The following SYNE1 variants were observed in gnomAD, a reference collection of about 807,000 sequenced individuals.
SYNE1 encodes the protein nesprin-1.
Under a neutral mutation model 1,111.0 loss-of-function variants are expected in SYNE1, and 616 were observed. The ratio of observed to expected loss-of-function variants is 0.55; its 90% CI spans 0.52 to 0.59. SYNE1 has a LOEUF of 0.59. SYNE1 is among the 20% of genes least tolerant of loss of function. The probability of loss-of-function intolerance (pLI) is 0.00; values close to 1 mark genes in which losing one functional copy is unlikely to be tolerated. For synonymous variants in SYNE1, 3,855 were observed against 3,825.8 expected (o/e 1.01, Z -0.28); for missense variants, 10,006 against 10,417.0 (o/e 0.96, Z 1.72).
intron 145 of SYNE1, 130 bp downstream of exon 145, chr6:152,130,590 G>T: frequency 1.2e-6 from 1 of 855,450 alleles, no homozygotes; most frequent in Non-Finnish European, 2.0e-6. Context: ...TGAGGAAAGG[G>T]TGTGGACTGA....
At chr6:152,266,613 C>T (rs2092721383) in intron 100 of SYNE1, among the ~76,000 whole-genome samples, 1 of 152,140 alleles carries the variant, frequency 6.6e-6, no homozygotes, top group Non-Finnish European at 1.5e-5. Context: ...AAGTCAGTCC[C>T]TGCTTATAGA....
chr6:152,430,247 A>C (rs1397771083), intron 35 of SYNE1, 37 bp from the exon 36 acceptor site: 2 of 1,523,144 alleles, frequency 1.3e-6, no homozygotes, highest in African/African-American at 2.7e-5. Flanking sequence ...AACAGTGGGA[A>C]AGATACATAG....
At chr6:152,240,140 G>A (rs947925244) in intron 107 of SYNE1, among the ~76,000 whole-genome samples, 3 of 152,136 alleles carry the variant, frequency 2.0e-5, no homozygotes, top group African/African-American at 7.2e-5. Flanking sequence ...GGACAAGGGA[G>A]GGCAGAGGGA....
chr6:152,409,290 T>C, intron 43 of SYNE1, 64 bp from the exon 44 acceptor site: 23 of 1,523,250 alleles, frequency 1.5e-5, no homozygotes, highest in Non-Finnish European at 2.1e-5. Context: ...TTAAAACCAT[T>C]TGTCTCTAAG....
At chr6:152,523,876 C>T (rs981162468) in intron 5 of SYNE1, among the ~76,000 whole-genome samples, 2 of 152,068 alleles carry the variant, frequency 1.3e-5, no homozygotes, top group African/African-American at 2.4e-5. Flanking sequence ...TATAAAAGTG[C>T]TACTGACTTG....
At chr6:152,433,720 G>A in intron 34 of SYNE1, 75 bp downstream of exon 34, 1 of 1,555,016 alleles carries the variant, frequency 6.4e-7, no homozygotes, top group Admixed American at 1.7e-5. Flanking sequence ...GGACCGAACA[G>A]CATTTGATGA....
chr6:152,558,536 A>T (rs1239479892), intron 3 of SYNE1, among the ~76,000 whole-genome samples: 1 of 152,222 alleles, frequency 6.6e-6, no homozygotes, highest in Non-Finnish European at 1.5e-5. Flanking sequence ...GAGAACAAGG[A>T]TGGCTATCCT....
intron 111 of SYNE1, among the ~76,000 whole-genome samples, 156 bp from the exon 112 acceptor site, chr6:152,234,119 TC>T (rs1211491642): frequency 1.3e-5 from 2 of 152,176 alleles, no homozygotes; most frequent in Non-Finnish European, 2.9e-5. Flanking sequence ...ACCCTTGCCC[TC>T]GAATGAAAGG....
chr6:152,261,545 T>C (rs765859844), intron 101 of SYNE1, among the ~76,000 whole-genome samples: 2 of 152,200 alleles, frequency 1.3e-5, no homozygotes, highest in Non-Finnish European at 2.9e-5. Flanking sequence ...GACCACTGGC[T>C]TCACTTCCCT....
chr6:152,525,013 AC>A (rs1343949133), intron 5 of SYNE1, among the ~76,000 whole-genome samples: 1 of 152,190 alleles, frequency 6.6e-6, no homozygotes, highest in African/African-American at 2.4e-5. Flanking sequence ...GACAGATACT[AC>A]GAGTGCTTGA....
In SYNE1 at chr6:152,515,187, A is replaced by G. The variant is rs1349045786; in HGVS notation, c.310-4084T>C. ...CAGTGAGCCTAGTTTGTGCCTCTGC[A>G]CTCCAGCCTGGGTGACAAAGCAAGA... On this transcript the variant is annotated intron_variant, in intron 6 of 145. Transcript: ENST00000367255. Among the ~76,000 whole-genome samples, 5 of 151,652 alleles carry G rather than the reference A, an allele frequency of 3.3e-5. No individual in the cohort carries two copies. In the East Asian group the frequency reaches 9.7e-4, roughly 29 times the overall value.
chr6:152,316,817 T>TA (rs1394451508), intron 87 of SYNE1, 32 bp downstream of exon 87: 1 of 1,613,606 alleles, frequency 6.2e-7, no homozygotes, highest in Non-Finnish European at 8.5e-7. Flanking sequence ...TGCCCTTGGT[T>TA]ACTTTTTAAA....
intron 120 of SYNE1, 108 bp downstream of exon 120, chr6:152,218,895 G>C (rs1168547213): frequency 8.5e-7 from 1 of 1,182,700 alleles, no homozygotes; most frequent in Non-Finnish European, 1.2e-6. Flanking sequence ...ATTTTCTTGA[G>C]TCTTGAAGGA....
chr6:152,231,304 C>T (rs2082702372), intron 114 of SYNE1, 87 bp downstream of exon 114: 4 of 1,456,010 alleles, frequency 2.7e-6, no homozygotes, highest in Non-Finnish European at 3.8e-6. Context: ...TATAGCCACG[C>T]TACTTGTGAA....
At chr6:152,162,964 C>T (rs898672371) in intron 131 of SYNE1, among the ~76,000 whole-genome samples, 1 of 151,972 alleles carries the variant, frequency 6.6e-6, no homozygotes, top group Non-Finnish European at 1.5e-5. Flanking sequence ...ATTTCATTGG[C>T]TTAAATAGTC....
At chr6:152,338,015 G>A (rs1336922599) in intron 75 of SYNE1, among the ~76,000 whole-genome samples, 1 of 152,096 alleles carries the variant, frequency 6.6e-6, no homozygotes, top group African/African-American at 2.4e-5. Flanking sequence ...AGGCATGGTG[G>A]TGTGTGCCTG....
chr6:152,398,830 C>T (rs2097772276), intron 48 of SYNE1, 99 bp from the exon 49 acceptor site: 4 of 852,128 alleles, frequency 4.7e-6, no homozygotes, highest in Non-Finnish European at 7.5e-6. Flanking sequence ...TATTTCTGGC[C>T]TTTAGCTCAT....
At chr6:152,151,467 A>G (rs2060403086) in intron 135 of SYNE1, 86 bp downstream of exon 135, 1 of 1,540,942 alleles carries the variant, frequency 6.5e-7, no homozygotes. Flanking sequence ...AAGAAAAGTT[A>G]TTTGCTATGT....
At position 152,399,651 on chromosome 6, in the gene SYNE1, G is replaced by C. The variant is rs1277115193; in HGVS notation, c.7202C>G (p.Ala2401Gly). Residue 2401 changes from alanine (A) to glycine (G), a missense_variant, in exon 48 of 146, where the codon GCC becomes GGC. By Grantham distance (60) the Ala-to-Gly change is moderately conservative (BLOSUM62 0). This residue lies in a region of SYNE1 where 4,955 missense variants were observed against 5,017.2 expected (regional missense o/e 0.99). Transcript: ENST00000367255. ...AVSQLCSKTQ[A>G]SLQESLEKHF... ...TTTTTCCAGAGATTCCTGCAGGCTGGCCTGGGTTTTGGAGCACAACTGGCT... is the reference window on the plus strand; with the variant it reads ...TTTTTCCAGAGATTCCTGCAGGCTGCCCTGGGTTTTGGAGCACAACTGGCT... 2 of 1,613,980 alleles carry C rather than the reference G, an allele frequency of 1.2e-6. No homozygotes were observed. The highest frequency in any genetic ancestry group is 1.1e-5 in the South Asian group (1 of 91,084).
Sources: allele counts gnomAD v4.1 joint callset (sites outside exome capture counted in the v4.1 genomes callset), GRCh38; gene constraint gnomAD v4.1.1; regional missense constraint gnomAD v4.1.1; transcripts MANE v1.5; gene names NCBI Gene and HGNC (gene_info 2026-07-23, HGNC 2026-07-21).